KBTBD12: variants seen among roughly 807,000 people sequenced by gnomAD.
KBTBD12 encodes kelch repeat and BTB domain containing 12.
A neutral mutation model predicts 58.7 loss-of-function variants in KBTBD12; 53 were observed. That is an observed-to-expected ratio of 0.90 (90% CI 0.72 to 1.14). The LOEUF is 1.14. KBTBD12 is among the 50% of genes most tolerant of loss of function. KBTBD12 has a pLI of 0.00. For missense variants in KBTBD12, 704 were observed against 751.3 expected, an observed-to-expected ratio of 0.94 and a Z score of 0.74; for synonymous variants, 236 against 259.8, an observed-to-expected ratio of 0.91 and a Z score of 0.88.
chr3:127,945,942 G>C (rs1005379504), intron 4 of KBTBD12, among the ~76,000 whole-genome samples: 19 of 152,216 alleles, frequency 1.2e-4, no homozygotes, highest in East Asian at 5.8e-4. Context: ...GCCTCTCAAA[G>C]TGCTGGGATT....
At chr3:127,929,615 C>T (rs1405806742) in intron 3 of KBTBD12, among the ~76,000 whole-genome samples, 1 of 152,038 alleles carries the variant, frequency 6.6e-6, no homozygotes, top group African/African-American at 2.4e-5. Context: ...ATTGAATTTA[C>T]ACCATTCCTA....
intron 1 of KBTBD12, among the ~76,000 whole-genome samples, chr3:127,916,594 G>A (rs777326824): frequency 1.3e-5 from 2 of 151,774 alleles, no homozygotes; most frequent in East Asian, 1.9e-4. Flanking sequence ...CATTGTTGCC[G>A]CTTGGGAATT....
At position 127,960,351 on chromosome 3, in the gene KBTBD12, AAAAAATAT is replaced by A. The variant is rs563815446; in HGVS notation, c.1493-2834_1493-2827del. 2.0e-5 allele frequency among the ~76,000 whole-genome samples: 3 copies of A among 152,336 alleles called. No individual in the cohort carries two copies. The South Asian group carries it at 6.2e-4, about 32-fold the overall frequency. ...TCCCCCTTTCCACTACGCACACACC[AAAAAATAT>A]AAATAAATAAAAACCAGGGTATATA... On this transcript the variant is annotated intron_variant, in intron 4 of 5. Coordinates refer to ENST00000405109, the MANE Select transcript of KBTBD12 (RefSeq NM_207335.4).
intron 4 of KBTBD12, among the ~76,000 whole-genome samples, chr3:127,955,338 G>A (rs116661419): frequency 0.016 from 2,483 of 152,276 alleles, 65 homozygotes; most frequent in African/African-American, 0.054. Context: ...GTCCAAGTCT[G>A]ACTCTCAGCT....
At chr3:127,928,521 T>C (rs892413918) in intron 3 of KBTBD12, among the ~76,000 whole-genome samples, 18 of 152,270 alleles carry the variant, frequency 1.2e-4, no homozygotes, top group Non-Finnish European at 2.6e-4. Flanking sequence ...TAACACTTGA[T>C]GTTTTTATTG....
chr3:127,944,817 C>T (rs1940035029), intron 4 of KBTBD12, among the ~76,000 whole-genome samples: 1 of 152,038 alleles, frequency 6.6e-6, no homozygotes, highest in African/African-American at 2.4e-5. Context: ...CCTAAATGGC[C>T]TTTACTGTAC....
At position 127,945,288 on chromosome 3, in the gene KBTBD12, CA is replaced by C. The variant is rs1179579135; in HGVS notation, c.1492+15006del. On this transcript the variant is annotated intron_variant, in intron 4 of 5. Coordinates refer to ENST00000405109, the MANE Select transcript of KBTBD12 (RefSeq NM_207335.4). ...CAAGCTCCGCCTCCCAGGTTCACGC[CA>C]TTCTCCTACCTCAGCCTCCCGAGTA... Among the ~76,000 whole-genome samples, 25 of 145,446 alleles carry C rather than the reference CA, an allele frequency of 1.7e-4. 2 individuals carry two copies. The Admixed American group carries it at 1.8e-3, about 10-fold the overall frequency.
At chr3:127,916,625 C>T (rs1939247282) in intron 1 of KBTBD12, among the ~76,000 whole-genome samples, 1 of 151,684 alleles carries the variant, frequency 6.6e-6, no homozygotes, top group South Asian at 2.1e-4. Context: ...TGTTGCCATA[C>T]CTTTCATTTT....
At chr3:127,916,231 C>G (rs1175500452) in intron 1 of KBTBD12, among the ~76,000 whole-genome samples, 1 of 152,068 alleles carries the variant, frequency 6.6e-6, no homozygotes, top group Non-Finnish European at 1.5e-5. Flanking sequence ...TACTGGATGC[C>G]CGGTGTGTGG....
In KBTBD12 at chr3:127,984,100, G is replaced by A. The variant is rs571256278; in HGVS notation, c.1694G>A (p.Arg565His). The part of the protein sequence containing the change: ...YVCGGFHGAD[R>H]HEVISKEILE... ...TTCCCACTTTGCTGTTTTTCAGATCGCCATGAGGTTATCTCCAAAGAAATA... is the reference window on the plus strand; with the variant it reads ...TTCCCACTTTGCTGTTTTTCAGATCACCATGAGGTTATCTCCAAAGAAATA... The change falls in exon 6 of 6, where the codon CGC (arginine) becomes CAC (histidine). Residue 565 changes from arginine (R) to histidine (H), a missense_variant. Coordinates refer to ENST00000405109, the MANE Select transcript of KBTBD12 (RefSeq NM_207335.4). The A allele has an allele frequency of 2.0e-5, 32 of 1,612,348 alleles. No individual in the cohort carries two copies. The highest frequency in any genetic ancestry group is 2.2e-5 in the South Asian group (2 of 90,784).
At chr3:127,977,480 C>G (rs879405659) in intron 5 of KBTBD12, among the ~76,000 whole-genome samples, 3 of 152,236 alleles carry the variant, frequency 2.0e-5, no homozygotes, top group Non-Finnish European at 4.4e-5. Context: ...TTTTTCTCTG[C>G]AACCTTGCCA....
In KBTBD12 at chr3:127,927,755, CTT is replaced by C; in HGVS notation, c.1071-6_1071-5del. ...CTCTAATCCTGGATACTCTCTCTCT[CTT>C]TTGCAGGTATCATGATAGAGGAAAC... On this transcript the variant is annotated splice_polypyrimidine_tract_variant and splice_region_variant and intron_variant, in intron 2 of 5. Transcript: ENST00000405109. The C allele has an allele frequency of 1.3e-6, 2 of 1,491,508 alleles. No homozygotes were observed. The highest frequency in any genetic ancestry group is 1.8e-6 in the Non-Finnish European group (2 of 1,117,246). 92.4% of individuals were successfully genotyped at this position (1,491,508 alleles called of 1,614,324 possible).
At chr3:127,942,619 T>C (rs1409231540) in intron 4 of KBTBD12, among the ~76,000 whole-genome samples, 1 of 148,866 alleles carries the variant, frequency 6.7e-6, no homozygotes, top group East Asian at 1.9e-4. Flanking sequence ...ATTCTTGTGT[T>C]AGTTATATAT....
chr3:127,923,051 G>T lies in KBTBD12; in HGVS notation c.-11G>T. 1 of 1,532,444 alleles carries T rather than the reference G, an allele frequency of 6.5e-7. No individual in the cohort carries two copies. The highest frequency in any genetic ancestry group is 1.7e-5 in the Admixed American group (1 of 59,070). 94.9% of individuals were successfully genotyped at this position (1,532,444 alleles called of 1,614,324 possible). ...AAAGAAGACTTAGTTGGAAACTTTGGAGAGTAGATCATGGAGTGCAAGATT... is the reference window on the plus strand; with the variant it reads ...AAAGAAGACTTAGTTGGAAACTTTGTAGAGTAGATCATGGAGTGCAAGATT... On this transcript the variant is annotated 5_prime_UTR_variant, in exon 2 of 6. Coordinates refer to ENST00000405109, the MANE Select transcript of KBTBD12 (RefSeq NM_207335.4).
intron 5 of KBTBD12, among the ~76,000 whole-genome samples, chr3:127,975,533 C>T (rs1940769807): frequency 6.6e-6 from 1 of 152,186 alleles, no homozygotes; most frequent in Non-Finnish European, 1.5e-5. Context: ...ATTCAGCTTG[C>T]AGTGATAGCA....
In KBTBD12 at chr3:127,932,329, C is replaced by G. The variant is rs112881231; in HGVS notation, c.1492+2046C>G. Among the ~76,000 whole-genome samples, 854 of 152,218 alleles carry G rather than the reference C, an allele frequency of 5.6e-3. 3 individuals carry two copies. The highest frequency in any genetic ancestry group is 0.017 in the South Asian group (80 of 4,812). On this transcript the variant is annotated intron_variant, in intron 4 of 5. Coordinates refer to ENST00000405109, the MANE Select transcript of KBTBD12 (RefSeq NM_207335.4). ...AGGCATTTTTGTAGTAGTCTTAGTT[C>G]ATATTTAATTGTTCACTGTATATAT...
chr3:127,984,384 T>A lies in KBTBD12; in HGVS notation c.*106T>A. 9.5e-7 allele frequency: 1 copy of A among 1,057,676 alleles called. No homozygotes were observed. Among genetic ancestry groups the A allele is most frequent in the South Asian group, 1.6e-5 (1 of 63,354 alleles). 65.5% of individuals were successfully genotyped at this position (1,057,676 alleles called of 1,614,324 possible). A position where few individuals can be genotyped will look rare whatever the true frequency, so the allele number is the denominator to read the frequency against. The stretch of plus-strand genomic sequence containing the variant: ...CCAGTCATGTGCACTGCATGCGTAG[T>A]GGCCTGTGTGTGAAGAAGCAGTGTG... On this transcript the variant is annotated 3_prime_UTR_variant, in exon 6 of 6. Coordinates refer to ENST00000405109, the MANE Select transcript of KBTBD12 (RefSeq NM_207335.4).
chr3:127,951,292 T>C (rs1940197822), intron 4 of KBTBD12, among the ~76,000 whole-genome samples: 1 of 152,250 alleles, frequency 6.6e-6, no homozygotes, highest in Non-Finnish European at 1.5e-5. Flanking sequence ...GATATTCTCA[T>C]TGAACAAAGC....
chr3:127,915,848 T>C (rs1371225950), intron 1 of KBTBD12, among the ~76,000 whole-genome samples: 2 of 152,214 alleles, frequency 1.3e-5, no homozygotes, highest in African/African-American at 4.8e-5. Flanking sequence ...ATTATCATCC[T>C]CCGAATTACC....
Sources: allele counts gnomAD v4.1 joint callset (sites outside exome capture counted in the v4.1 genomes callset), GRCh38; gene constraint gnomAD v4.1.1; transcripts MANE v1.5; gene names NCBI Gene and HGNC (gene_info 2026-07-23, HGNC 2026-07-21).